The following SIL1 variants were observed in gnomAD, a reference collection of about 807,000 sequenced individuals.
The protein encoded by SIL1 is SIL1 nucleotide exchange factor, also known as nucleotide exchange factor SIL1.
In SIL1, 40 loss-of-function variants were observed where a neutral mutation model predicts 49.1. The observed-to-expected ratio is 0.81, with a 90% CI of 0.63 to 1.06. The LOEUF (loss-of-function observed/expected upper bound fraction) is 1.06, where lower values mean the gene tolerates loss of function less well. Among genes scored for constraint, SIL1 ranks in the 50% least tolerant of loss-of-function variants. SIL1 has a pLI of 0.00. For missense variants in SIL1, 500 were observed against 572.6 expected (o/e 0.87, Z 1.29); for synonymous variants, 253 against 250.8 (o/e 1.01, Z -0.08).
intron 1 of SIL1, among the ~76,000 whole-genome samples, chr5:139,148,250 G>C (rs1751229982): frequency 6.6e-6 from 1 of 152,108 alleles, no homozygotes; most frequent in South Asian, 2.1e-4. Flanking sequence ...CAGCAGGTAG[G>C]GTCAGGGGGC....
At chr5:139,109,621 A>G (rs937331488) in intron 3 of SIL1, among the ~76,000 whole-genome samples, 6 of 151,888 alleles carry the variant, frequency 4.0e-5, no homozygotes, top group Admixed American at 2.6e-4. Context: ...AGAGACCAAG[A>G]GAAAACATAA....
chr5:138,972,859 C>T (rs903824908), intron 7 of SIL1, among the ~76,000 whole-genome samples: 3 of 152,220 alleles, frequency 2.0e-5, no homozygotes, highest in African/African-American at 7.2e-5. Context: ...GGGTAAAACC[C>T]TGGGTCCACC....
At chr5:139,072,345 A>T (rs1769853578) in intron 3 of SIL1, among the ~76,000 whole-genome samples, 1 of 152,256 alleles carries the variant, frequency 6.6e-6, no homozygotes, top group Admixed American at 6.5e-5. Context: ...ATAGAGATGA[A>T]TTCAACGAAT....
At chr5:139,057,334 GA>G in intron 3 of SIL1, among the ~76,000 whole-genome samples, 1 of 114,598 alleles carries the variant, frequency 8.7e-6, no homozygotes, top group Non-Finnish European at 1.8e-5. Flanking sequence ...AAAAAGAAAA[GA>G]AAAGAACATC....
intron 1 of SIL1, among the ~76,000 whole-genome samples, chr5:139,157,780 TG>T (rs1030267899): frequency 2.0e-5 from 3 of 152,214 alleles, no homozygotes; most frequent in Non-Finnish European, 4.4e-5. Flanking sequence ...AGAACCAGTT[TG>T]GGGTTCCTGG....
chr5:139,042,014 T>C (rs1322192264), intron 5 of SIL1, among the ~76,000 whole-genome samples: 3 of 152,082 alleles, frequency 2.0e-5, no homozygotes, highest in Non-Finnish European at 2.9e-5. Flanking sequence ...TCCCAGACAT[T>C]AGGGGCATGG....
chr5:139,145,612 G>A (rs1751175709), intron 1 of SIL1, among the ~76,000 whole-genome samples: 1 of 76,348 alleles, frequency 1.3e-5, no homozygotes, highest in South Asian at 5.1e-4. Flanking sequence ...TATAAAATGT[G>A]GGTGTGGGTG....
chr5:139,070,260 C>T (rs750438975), intron 3 of SIL1, among the ~76,000 whole-genome samples: 1 of 151,862 alleles, frequency 6.6e-6, no homozygotes, highest in Non-Finnish European at 1.5e-5. Flanking sequence ...AAAATTATTA[C>T]ATATTCTAAT....
At chr5:139,048,370 T>G (rs1038896188) in intron 4 of SIL1, among the ~76,000 whole-genome samples, 3 of 66,404 alleles carry the variant, frequency 4.5e-5, no homozygotes, top group South Asian at 5.4e-4. Flanking sequence ...TTGTTGTTGG[T>G]TTTTTTTTTT....
At chr5:138,954,204 C>T (rs1580979058) in intron 7 of SIL1, among the ~76,000 whole-genome samples, 1 of 152,254 alleles carries the variant, frequency 6.6e-6, no homozygotes, top group Admixed American at 6.5e-5. Context: ...AGAGCTCCAA[C>T]ATCAGATAAG....
At chr5:139,170,395 C>T (rs1251854367) in intron 1 of SIL1, among the ~76,000 whole-genome samples, 25 of 151,274 alleles carry the variant, frequency 1.7e-4, no homozygotes, top group African/African-American at 5.8e-4. Flanking sequence ...CGTCTCTGCC[C>T]GGCCGCCATC....
intron 4 of SIL1, 97 bp from the exon 5 acceptor site, chr5:139,042,816 T>G: frequency 4.1e-5 from 42 of 1,032,946 alleles, no homozygotes; most frequent in Non-Finnish European, 6.1e-5. Flanking sequence ...GATGGAAGGA[T>G]ACCAAGATCC....
chr5:139,120,316 A>G (rs1750598143), intron 3 of SIL1, among the ~76,000 whole-genome samples: 1 of 152,126 alleles, frequency 6.6e-6, no homozygotes, highest in South Asian at 2.1e-4. Context: ...TCTGGGGTCA[A>G]TGGCATAGGG....
At chr5:139,121,010 G>A (rs374919203) in intron 3 of SIL1, 25 bp downstream of exon 3, 2 of 1,613,566 alleles carry the variant, frequency 1.2e-6, no homozygotes, top group South Asian at 2.2e-5. Context: ...AGTGTGTTTT[G>A]TGGGGACAGG....
Position 138,951,852 on chromosome 5 carries a change from C to G in SIL1, c.800G>C (p.Gly267Ala). ...GACCAGCAGCTTCTGCAGGGCTCCC[C>G]CTTCGATGGCCTCCACCTGGACCTT... Reference protein sequence around the residue: ...NPKVQVEAIEGGALQKLLVIL... With the variant: ...NPKVQVEAIEAGALQKLLVIL... Residue 267 changes from glycine to alanine, a missense_variant, in exon 8 of 10, where the codon GGG becomes GCG. Coordinates refer to ENST00000394817, the MANE Select transcript of SIL1 (RefSeq NM_022464.5). The G allele has an allele frequency of 6.2e-7, 1 of 1,614,016 alleles. No homozygotes were observed. Among genetic ancestry groups the G allele is most frequent in the Non-Finnish European group, 8.5e-7 (1 of 1,180,030 alleles).
chr5:139,096,500 C>A (rs901115734), intron 3 of SIL1, among the ~76,000 whole-genome samples: 1 of 151,822 alleles, frequency 6.6e-6, no homozygotes, highest in Admixed American at 6.6e-5. Context: ...TGGCATCATC[C>A]CTCCTCTAAC....
At chr5:139,098,253 C>T (rs778590361) in intron 3 of SIL1, among the ~76,000 whole-genome samples, 28 of 152,044 alleles carry the variant, frequency 1.8e-4, no homozygotes, top group South Asian at 4.1e-4. Context: ...GACACATATG[C>T]CAATGGAAAG....
intron 3 of SIL1, among the ~76,000 whole-genome samples, chr5:139,120,767 GGAAA>G (rs1272583197): frequency 1.3e-5 from 2 of 152,170 alleles, no homozygotes; most frequent in Non-Finnish European, 2.9e-5. Context: ...AGAAGTGCAG[GGAAA>G]GAAAGTTTTC....
intron 7 of SIL1, among the ~76,000 whole-genome samples, chr5:139,004,565 T>C (rs186636599): frequency 3.3e-5 from 5 of 152,322 alleles, no homozygotes; most frequent in African/African-American, 1.2e-4. Flanking sequence ...TGCTGCACTT[T>C]AGGTAATTTC....
Sources: allele counts gnomAD v4.1 joint callset (sites outside exome capture counted in the v4.1 genomes callset), GRCh38; gene constraint gnomAD v4.1.1; transcripts MANE v1.5; gene names NCBI Gene and HGNC (gene_info 2026-07-23, HGNC 2026-07-21).